SEMA4F: variants seen among roughly 807,000 people sequenced by gnomAD.
The protein encoded by SEMA4F is semaphorin-4F.
A neutral mutation model predicts 78.4 loss-of-function variants in SEMA4F; 51 were observed. That is an observed-to-expected ratio of 0.65 (90% CI 0.52 to 0.82). The LOEUF is 0.82. Among genes scored for constraint, SEMA4F ranks in the 40% least tolerant of loss-of-function variants. The pLI is 0.00. For missense variants in SEMA4F, 938 were observed against 1,014.4 expected, an observed-to-expected ratio of 0.92 and a Z score of 1.02; for synonymous variants, 418 against 408.7, an observed-to-expected ratio of 1.02 and a Z score of -0.27.
At position 74,674,892 on chromosome 2, in the gene SEMA4F, G is replaced by A. The variant is rs754892545; in HGVS notation, c.1006G>A (p.Gly336Arg). The part of the protein sequence containing the change: ...FYGIFSSQWE[G>R]ATISAVCAFR... ...GCTCCAACCTGTGAATTCCAGGGAG[G>A]GGGCTACTATCTCTGCTGTCTGTGC... The change falls in exon 9 of 14, where the codon GGG (glycine) becomes AGG (arginine). Residue 336 changes from glycine to arginine, a missense_variant. Gly to Arg is a moderately radical substitution (Grantham distance 125). Transcript: ENST00000357877. 6.2e-7 allele frequency: 1 copy of A among 1,613,830 alleles called. No homozygotes were observed. Among genetic ancestry groups the A allele is most frequent in the Non-Finnish European group, 8.5e-7 (1 of 1,179,954 alleles).
chr2:74,695,989 T>G, the SEMA4F span, among the ~76,000 whole-genome samples: 1 of 152,100 alleles, frequency 6.6e-6, no homozygotes, highest in Admixed American at 6.5e-5. Context: ...GCTGAGCAAA[T>G]TCAGGGAAGC....
the SEMA4F span, among the ~76,000 whole-genome samples, chr2:74,695,751 C>T: frequency 6.6e-6 from 1 of 152,282 alleles, no homozygotes; most frequent in African/African-American, 2.4e-5. Flanking sequence ...GGACGATTGA[C>T]AAATATAATC....
intron 4 of SEMA4F, among the ~76,000 whole-genome samples, chr2:74,662,497 G>A (rs1684478568): frequency 6.6e-6 from 1 of 152,152 alleles, no homozygotes. Flanking sequence ...GCTGCTGGGG[G>A]AATTGAGGGA....
Position 74,680,387 on chromosome 2 carries a change from T to G in SEMA4F, c.*178T>G. 1.6e-6 allele frequency: 1 copy of G among 636,006 alleles called. No individual in the cohort carries two copies. The allele number at this position is 636,006 out of a possible 1,614,324, so 39.4% of individuals were successfully genotyped here. A position where few individuals can be genotyped will look rare whatever the true frequency, so the allele number is the denominator to read the frequency against. ...GCCTGGATGGGCTTGGGGCCAGACC[T>G]TTGCCTGATTCCTGATTCCCATGAG... On this transcript the variant is annotated 3_prime_UTR_variant, in exon 14 of 14. Coordinates refer to ENST00000357877, the MANE Select transcript of SEMA4F (RefSeq NM_004263.5).
rs550189236 is a variant in SEMA4F at position 74,670,303 on chromosome 2, A to ATCTG, written c.551-3136_551-3133dup. Among the ~76,000 whole-genome samples the ATCTG allele has an allele frequency of 3.5e-4, 53 of 152,142 alleles. 1 individual carries two copies. In the South Asian group the frequency reaches 6.9e-3, roughly 20 times the overall value. On this transcript the variant is annotated intron_variant, in intron 5 of 13. Coordinates refer to ENST00000357877, the MANE Select transcript of SEMA4F (RefSeq NM_004263.5). ...GCTGTGTAGGGGTGTGTACGTGTAT[A>ATCTG]TCTGTCTGTCTGTCTGTCTGTAAGA...
At chr2:74,674,328 CATT>C (rs2104994030) in intron 7 of SEMA4F, among the ~76,000 whole-genome samples, 167 bp from the exon 8 acceptor site, 1 of 152,302 alleles carries the variant, frequency 6.6e-6, no homozygotes, top group East Asian at 1.9e-4. Context: ...CCTCATATCT[CATT>C]ATCCCCGCAG....
the SEMA4F span, among the ~76,000 whole-genome samples, chr2:74,698,914 G>C: frequency 2.0e-5 from 3 of 152,174 alleles, no homozygotes; most frequent in African/African-American, 4.8e-5. Context: ...GGTCAAATCT[G>C]CATAAGCTCC....
chr2:74,675,922 GC>G lies in SEMA4F; in HGVS notation c.1643+15del. 5 of 1,601,726 alleles carry G rather than the reference GC, an allele frequency of 3.1e-6. No individual in the cohort carries two copies. The South Asian group carries it at 5.6e-5, about 18-fold the overall frequency. The stretch of plus-strand genomic sequence containing the variant: ...GGGAGCACCGAGGGTGAGTGTAGCT[GC>G]CTGGATTTCTTGCTTACTGTGCCAG... On this transcript the variant is annotated intron_variant, in intron 12 of 13. Transcript: ENST00000357877.
chr2:74,698,049 T>A, the SEMA4F span, among the ~76,000 whole-genome samples: 1 of 152,118 alleles, frequency 6.6e-6, no homozygotes, highest in African/African-American at 2.4e-5. Context: ...GATAGGAAAT[T>A]CCAGGGTCCC....
At chr2:74,678,213 G>C (rs923911928) in intron 12 of SEMA4F, among the ~76,000 whole-genome samples, 1 of 152,138 alleles carries the variant, frequency 6.6e-6, no homozygotes, top group Non-Finnish European at 1.5e-5. Flanking sequence ...CTCTATACTT[G>C]AGCCTCAAGG....
In SEMA4F at chr2:74,658,797, C is replaced by T. The variant is rs958185089; in HGVS notation, c.456+846C>T. On this transcript the variant is annotated intron_variant, in intron 4 of 13. Transcript: ENST00000357877. This position sits in a 1 kb window ranked among gnomAD's most constrained non-coding sequence, Gnocchi z 4.3. ...ACATATCCTTTATATCCAGTGGCTT[C>T]TCTTTCTGCTCTGTAGAGCAATAGG... Among the ~76,000 whole-genome samples, 68 of 152,340 alleles carry T rather than the reference C, an allele frequency of 4.5e-4. 2 individuals are homozygous for T. Among genetic ancestry groups the T allele is most frequent in the Admixed American group, 3.6e-3 (55 of 15,306 alleles).
Position 74,681,036 on chromosome 2 carries a change from T to C in SEMA4F, c.*827T>C, listed in dbSNP as rs1685585045. 6.5e-6 allele frequency: 1 copy of C among 152,700 alleles called. No individual in the cohort carries two copies. Among genetic ancestry groups the C allele is most frequent in the Non-Finnish European group, 1.5e-5 (1 of 68,114 alleles). The allele number at this position is 152,700 out of a possible 1,614,324, so 9.5% of individuals were successfully genotyped here. A position where few individuals can be genotyped will look rare whatever the true frequency, so the allele number is the denominator to read the frequency against. ...GTACACATGACCCCATCCTTTTCTT[T>C]GTTTTTACCCCCTGGCTGCCACCAC... On this transcript the variant is annotated 3_prime_UTR_variant, in exon 14 of 14. Coordinates refer to ENST00000357877, the MANE Select transcript of SEMA4F (RefSeq NM_004263.5).
At chr2:74,654,781 C>T (rs1022761443) in intron 1 of SEMA4F, among the ~76,000 whole-genome samples, 1 of 152,198 alleles carries the variant, frequency 6.6e-6, no homozygotes, top group Non-Finnish European at 1.5e-5. Flanking sequence ...GCTGCACCAG[C>T]GGGCCCTATT....
At chr2:74,674,159 T>C (rs551714743) in intron 7 of SEMA4F, among the ~76,000 whole-genome samples, 69 of 152,354 alleles carry the variant, frequency 4.5e-4, no homozygotes, top group African/African-American at 1.6e-3. Flanking sequence ...GGTTCTTTAG[T>C]GTCTTTGAAA....
rs183030432 is a variant in SEMA4F at position 74,670,218 on chromosome 2, C to G, written c.551-3239C>G. ...TGGAATTGAGAGTGTCCTGAAGAGTCCAGGACATGTGATCTTGTGGACTCC... is the reference window on the plus strand; with the variant it reads ...TGGAATTGAGAGTGTCCTGAAGAGTGCAGGACATGTGATCTTGTGGACTCC... On this transcript the variant is annotated intron_variant, in intron 5 of 13. Transcript: ENST00000357877. 6.7e-4 allele frequency among the ~76,000 whole-genome samples: 102 copies of G among 152,286 alleles called. 1 individual carries two copies. The highest frequency in any genetic ancestry group is 6.6e-3 in the Admixed American group (101 of 15,298).
chr2:74,676,021 T>C, intron 12 of SEMA4F, 112 bp downstream of exon 12: 2 of 1,089,120 alleles, frequency 1.8e-6, no homozygotes, highest in Non-Finnish European at 1.3e-6. Context: ...TTTCTTTTTC[T>C]GTCTGTTAGT....
chr2:74,662,291 T>G (rs1469638415), intron 4 of SEMA4F, among the ~76,000 whole-genome samples: 1 of 152,166 alleles, frequency 6.6e-6, no homozygotes, highest in Non-Finnish European at 1.5e-5. Flanking sequence ...AGCCTGCACT[T>G]TTCTTTGTCC....
At chr2:74,694,930 C>T in the SEMA4F span, among the ~76,000 whole-genome samples, 9 of 152,204 alleles carry the variant, frequency 5.9e-5, no homozygotes, top group Non-Finnish European at 1.2e-4. Context: ...CACTCGCCTC[C>T]TAAAGGACAT....
In SEMA4F at chr2:74,657,845, A is replaced by G; in HGVS notation, c.358-8A>G. 1.2e-6 allele frequency: 2 copies of G among 1,612,922 alleles called. No homozygotes were observed. Among genetic ancestry groups the G allele is most frequent in the Non-Finnish European group, 1.7e-6 (2 of 1,178,960 alleles). On this transcript the variant is annotated splice_region_variant and splice_polypyrimidine_tract_variant and intron_variant, in intron 3 of 13. Transcript: ENST00000357877. Reference sequence around the variant, plus strand: ...TTCTGATTCTTTCTAACCGTCTCTGACCCCCAGGACGAATGTCACAATTTT... The same window carrying G: ...TTCTGATTCTTTCTAACCGTCTCTGGCCCCCAGGACGAATGTCACAATTTT...
Sources: allele counts gnomAD v4.1 joint callset (sites outside exome capture counted in the v4.1 genomes callset), GRCh38; gene constraint gnomAD v4.1.1; non-coding constraint Gnocchi (gnomAD v3.1); transcripts MANE v1.5; gene names NCBI Gene and HGNC (gene_info 2026-07-23, HGNC 2026-07-21).